DACH2: variants seen among roughly 807,000 people sequenced by gnomAD.
The protein encoded by DACH2 is dachshund homolog 2.
A neutral mutation model predicts 35.8 loss-of-function variants in DACH2; 17 were observed. The ratio of observed to expected loss-of-function variants is 0.48; its 90% CI spans 0.33 to 0.71. The LOEUF (loss-of-function observed/expected upper bound fraction) is 0.71. DACH2 is among the 30% of genes least tolerant of loss of function. The pLI, the probability that DACH2 is intolerant of heterozygous loss-of-function variation, is 0.02. For synonymous variants in DACH2, 195 were observed against 177.3 expected, an observed-to-expected ratio of 1.10 and a Z score of -0.79; for missense variants, 469 against 472.7, an observed-to-expected ratio of 0.99 and a Z score of 0.07.
intron 7 of DACH2, among the ~76,000 whole-genome samples, chrX:86,783,932 C>T (rs2042112721): frequency 9.1e-6 from 1 of 110,477 alleles, no homozygotes. Flanking sequence ...TATTTGATAG[C>T]ACAACAAGAT....
intron 3 of DACH2, among the ~76,000 whole-genome samples, chrX:86,642,808 A>T (rs1361785783): frequency 8.9e-6 from 1 of 112,055 alleles, no homozygotes; most frequent in Non-Finnish European, 1.9e-5. Flanking sequence ...GAAAATCTCT[A>T]AAAAACATAC....
At chrX:86,226,665 C>A (rs1444044009) in intron 1 of DACH2, among the ~76,000 whole-genome samples, 1 of 111,645 alleles carries the variant, frequency 9.0e-6, no homozygotes, top group Non-Finnish European at 1.9e-5. Flanking sequence ...AATCACAAGT[C>A]CATTTGGAAT....
At chrX:86,634,697 C>T (rs2040241629) in intron 3 of DACH2, among the ~76,000 whole-genome samples, 1 of 110,874 alleles carries the variant, frequency 9.0e-6, no homozygotes, top group Non-Finnish European at 1.9e-5. Flanking sequence ...ATAATAGCTA[C>T]AAAAATTAAA....
intron 4 of DACH2, among the ~76,000 whole-genome samples, chrX:86,686,273 G>A (rs113949657): frequency 2.6e-4 from 29 of 110,082 alleles, no homozygotes; most frequent in Admixed American, 5.8e-4. Flanking sequence ...TCACTCTGTC[G>A]CCAGGCTGGA....
chrX:86,792,205 C>T (rs2042192895), intron 7 of DACH2, among the ~76,000 whole-genome samples: 1 of 111,092 alleles, frequency 9.0e-6, no homozygotes, highest in Non-Finnish European at 1.9e-5. Flanking sequence ...TAACTTTATT[C>T]TTTTTGCAAA....
At position 86,700,633 on chromosome X, in the gene DACH2, C is replaced by A. The variant is rs937362774; in HGVS notation, c.931+5454C>A. 5.6e-5 allele frequency among the ~76,000 whole-genome samples: 6 copies of A among 107,362 alleles called. No individual in the cohort carries two copies. The South Asian group carries it at 2.0e-3, about 36-fold the overall frequency. The allele number at this position is 107,362 out of a possible 115,157, so 93.2% of individuals were successfully genotyped here. On this transcript the variant is annotated intron_variant, in intron 5 of 11. Transcript: ENST00000373125. ...ACAAAGATACAAAAGAGAGAAAATC[C>A]AAATAAACACAATTACAAATGACAA...
At chrX:86,606,260 TA>T (rs745430467) in intron 3 of DACH2, among the ~76,000 whole-genome samples, 2 of 103,806 alleles carry the variant, frequency 1.9e-5, no homozygotes, top group African/African-American at 6.7e-5. Flanking sequence ...TCTAGTTTTT[TA>T]TGAGACATGA....
At chrX:86,270,299 C>T (rs2033792986) in intron 1 of DACH2, among the ~76,000 whole-genome samples, 1 of 110,454 alleles carries the variant, frequency 9.1e-6, no homozygotes, top group Non-Finnish European at 1.9e-5. Context: ...GCTTTGAATG[C>T]TAATGCCTTT....
chrX:86,445,502 G>A (rs2037249337), intron 2 of DACH2, among the ~76,000 whole-genome samples: 1 of 43,671 alleles, frequency 2.3e-5, no homozygotes, highest in African/African-American at 8.6e-5. Flanking sequence ...AAAACTTAAA[G>A]TATAATAATA....
intron 2 of DACH2, among the ~76,000 whole-genome samples, chrX:86,381,525 GA>G (rs1166599694): frequency 9.1e-6 from 1 of 110,216 alleles, no homozygotes; most frequent in Non-Finnish European, 1.9e-5. Context: ...GAGCTCTGGG[GA>G]AAAAAAGAGT....
At chrX:86,336,556 A>G (rs1458303534) in intron 1 of DACH2, among the ~76,000 whole-genome samples, 8 of 111,808 alleles carry the variant, frequency 7.2e-5, no homozygotes, top group African/African-American at 2.3e-4. Flanking sequence ...ATCCACTCAG[A>G]GACCCCATAG....
intron 2 of DACH2, among the ~76,000 whole-genome samples, chrX:86,445,208 G>A (rs966635474): frequency 2.8e-5 from 3 of 108,905 alleles, no homozygotes; most frequent in Non-Finnish European, 1.9e-5. Context: ...ATGCTGTTTC[G>A]AATTTCACTT....
At chrX:86,658,476 T>A (rs1378354938) in intron 4 of DACH2, among the ~76,000 whole-genome samples, 1 of 111,606 alleles carries the variant, frequency 9.0e-6, no homozygotes, top group Non-Finnish European at 1.9e-5. Flanking sequence ...AGACCTATAG[T>A]TTCTTTGATT....
chrX:86,458,622 A>G (rs2037515708), intron 2 of DACH2, among the ~76,000 whole-genome samples: 2 of 112,063 alleles, frequency 1.8e-5, no homozygotes, highest in South Asian at 7.4e-4. Flanking sequence ...ATTTGTGTAA[A>G]TAAGACATTA....
At chrX:86,754,359 G>C (rs1230885168) in intron 7 of DACH2, among the ~76,000 whole-genome samples, 1 of 110,536 alleles carries the variant, frequency 9.0e-6, no homozygotes, top group African/African-American at 3.3e-5. Context: ...TATAAATGAG[G>C]ATATGGCAAT....
intron 2 of DACH2, among the ~76,000 whole-genome samples, chrX:86,461,364 A>T (rs765488819): frequency 3.0e-4 from 34 of 111,756 alleles, no homozygotes; most frequent in African/African-American, 1.0e-3. Flanking sequence ...AAATAGGATC[A>T]GTATACAAAC....
intron 3 of DACH2, among the ~76,000 whole-genome samples, chrX:86,519,879 T>A (rs1361574322): frequency 9.0e-6 from 1 of 111,007 alleles, no homozygotes; most frequent in African/African-American, 3.3e-5. Flanking sequence ...TTTTTGTTGT[T>A]GTTGTTGTTG....
chrX:86,593,438 A>G (rs1602679803), intron 3 of DACH2, among the ~76,000 whole-genome samples: 1 of 81,462 alleles, frequency 1.2e-5, no homozygotes, highest in East Asian at 4.7e-4. Context: ...ATTTTATTTT[A>G]TTTTTTGAGA....
rs974677015 is a variant in DACH2 at position 86,160,834 on chromosome X, GTT to G, written c.488+11728_488+11729del. 5 of 495,923 alleles carry G rather than the reference GTT, an allele frequency of 1.0e-5. No homozygotes were observed. In the African/African-American group the frequency reaches 1.2e-4, roughly 12 times the overall value. The allele number at this position is 495,923 out of a possible 1,213,427, so 40.9% of individuals were successfully genotyped here. Reference sequence around the variant, plus strand: ...GCAGCAAAGGAGACCACCATACCGGGTTTGAGAACACCAGTCTTCACTTGACC... The same window carrying G: ...GCAGCAAAGGAGACCACCATACCGGGTGAGAACACCAGTCTTCACTTGACC... On this transcript the variant is annotated intron_variant, in intron 1 of 11. Transcript: ENST00000373125.
Sources: gnomAD v4.1 joint callset for allele counts (sites outside exome capture counted in the v4.1 genomes callset) on GRCh38, gnomAD v4.1.1 for gene constraint, MANE v1.5 for transcripts, NCBI Gene and HGNC (gene_info 2026-07-23, HGNC 2026-07-21) for gene names.